The following MORN5 variants were observed in gnomAD, a reference collection of about 807,000 sequenced individuals.
The protein encoded by MORN5 is MORN repeat-containing protein 5.
A neutral mutation model predicts 22.1 loss-of-function variants in MORN5; 21 were observed. The observed-to-expected ratio is 0.95, with a 90% CI of 0.67 to 1.37. The LOEUF is 1.37. Ranked by LOEUF, MORN5 falls within the 40% of genes most tolerant of loss-of-function variation. The pLI, the probability that MORN5 is intolerant of heterozygous loss-of-function variation, is 0.00. For missense variants in MORN5, 211 were observed against 215.1 expected, an observed-to-expected ratio of 0.98 and a Z score of 0.12; for synonymous variants, 73 against 74.0, an observed-to-expected ratio of 0.99 and a Z score of 0.07.
intron 1 of MORN5, among the ~76,000 whole-genome samples, chr9:122,160,958 A>C (rs1260549750): frequency 1.3e-5 from 2 of 152,194 alleles, no homozygotes; most frequent in Non-Finnish European, 1.5e-5. Context: ...TGTCTTCAGA[A>C]AGTTCATTCA....
intron 3 of MORN5, among the ~76,000 whole-genome samples, chr9:122,173,561 G>C (rs1247554014): frequency 6.6e-6 from 1 of 152,208 alleles, no homozygotes; most frequent in Non-Finnish European, 1.5e-5. Flanking sequence ...TGGGCATCCA[G>C]CTCTCAGTCT....
Position 122,169,748 on chromosome 9 carries a change from A to G in MORN5, c.299A>G (p.Lys100Arg). 6.2e-7 allele frequency: 1 copy of G among 1,610,774 alleles called. No individual in the cohort carries two copies. Among genetic ancestry groups the G allele is most frequent in the Non-Finnish European group, 8.5e-7 (1 of 1,176,874 alleles). Residue 100 changes from lysine (K) to arginine (R), a missense_variant, in exon 3 of 5, where the codon AAG becomes AGG. By Grantham distance (26) the Lys-to-Arg change is conservative. Coordinates refer to ENST00000373764, the MANE Select transcript of MORN5 (RefSeq NM_198469.4). Reference sequence around the variant, plus strand: ...TACACAGAGATCCTCAATGGCTTGAAGCCTGCAGGTACCCAGGCACCCACC... The same window carrying G: ...TACACAGAGATCCTCAATGGCTTGAGGCCTGCAGGTACCCAGGCACCCACC... Reference protein sequence around the residue: ...RFYTEILNGLKPAGMAQLTNM... With the variant: ...RFYTEILNGLRPAGMAQLTNM...
intron 4 of MORN5, among the ~76,000 whole-genome samples, chr9:122,188,801 A>G (rs1368123585): frequency 1.3e-5 from 2 of 152,236 alleles, no homozygotes; most frequent in Non-Finnish European, 2.9e-5. Flanking sequence ...TTCAGCACAC[A>G]TGCGTTCTGC....
intron 4 of MORN5, among the ~76,000 whole-genome samples, chr9:122,193,514 G>A (rs1026045811): frequency 6.6e-6 from 1 of 152,248 alleles, no homozygotes; most frequent in Non-Finnish European, 1.5e-5. Flanking sequence ...GAACCCGGGA[G>A]GCGGGGGTTG....
At chr9:122,173,839 A>C (rs1372440497) in intron 3 of MORN5, among the ~76,000 whole-genome samples, 1 of 152,092 alleles carries the variant, frequency 6.6e-6, no homozygotes, top group Non-Finnish European at 1.5e-5. Flanking sequence ...ACCTTGGGAA[A>C]GTTACTTTAA....
intron 4 of MORN5, among the ~76,000 whole-genome samples, chr9:122,198,765 G>C (rs1829949968): frequency 2.0e-5 from 3 of 152,194 alleles, no homozygotes; most frequent in Non-Finnish European, 4.4e-5. Flanking sequence ...CCGGCATGGA[G>C]AGGAAAATGT....
intron 4 of MORN5, among the ~76,000 whole-genome samples, chr9:122,186,281 C>G (rs1056707387): frequency 3.3e-5 from 5 of 152,138 alleles, no homozygotes; most frequent in Admixed American, 2.0e-4. Flanking sequence ...AAGTTATTTA[C>G]TGACAATCAA....
At chr9:122,167,555 A>G (rs1393342143) in intron 2 of MORN5, among the ~76,000 whole-genome samples, 1 of 151,734 alleles carries the variant, frequency 6.6e-6, no homozygotes, top group East Asian at 1.9e-4. Context: ...GGGCTCTAGA[A>G]TCCTCTCCCT....
intron 4 of MORN5, among the ~76,000 whole-genome samples, chr9:122,191,541 C>A (rs1829766751): frequency 6.6e-6 from 1 of 152,208 alleles, no homozygotes; most frequent in South Asian, 2.1e-4. Context: ...AAGTGCCCGG[C>A]CATTGTGAGC....
chr9:122,196,388 C>T (rs1340241400), intron 4 of MORN5, among the ~76,000 whole-genome samples: 3 of 148,538 alleles, frequency 2.0e-5, no homozygotes, highest in Non-Finnish European at 4.4e-5. Context: ...TGCTGGAGGG[C>T]AGTGGCGCAA....
chr9:122,177,685 G>A (rs192325894), intron 4 of MORN5, among the ~76,000 whole-genome samples: 4 of 152,152 alleles, frequency 2.6e-5, no homozygotes, highest in Admixed American at 2.6e-4. Context: ...CATCCACCTC[G>A]GCCTCCCAAA....
At chr9:122,175,580 A>C in intron 4 of MORN5, 1 of 817,250 alleles carries the variant, frequency 1.2e-6, no homozygotes, top group Non-Finnish European at 1.5e-6. Flanking sequence ...CAATGCATGC[A>C]CACACACACA....
At chr9:122,196,606 C>T (rs1171212220) in intron 4 of MORN5, among the ~76,000 whole-genome samples, 6 of 152,148 alleles carry the variant, frequency 3.9e-5, no homozygotes, top group African/African-American at 1.4e-4. Context: ...GCTGGGATTA[C>T]AGGCGTAAGC....
intron 4 of MORN5, among the ~76,000 whole-genome samples, chr9:122,185,609 C>T (rs1331991322): frequency 1.3e-5 from 2 of 152,128 alleles, no homozygotes; most frequent in Non-Finnish European, 2.9e-5. Flanking sequence ...ATCCGCCCGC[C>T]TCGGCCTCCC....
chr9:122,169,442 GTGAGTT>G (rs889944704), intron 2 of MORN5, among the ~76,000 whole-genome samples, 197 bp from the exon 3 acceptor site: 1 of 152,186 alleles, frequency 6.6e-6, no homozygotes, highest in Non-Finnish European at 1.5e-5. Flanking sequence ...ATCTGCCAAA[GTGAGTT>G]CACCCACTTT....
chr9:122,173,647 G>A (rs1156824496), intron 3 of MORN5, among the ~76,000 whole-genome samples: 1 of 152,088 alleles, frequency 6.6e-6, no homozygotes, highest in Non-Finnish European at 1.5e-5. Context: ...CCCTTTACTT[G>A]AGCCATGGCG....
intron 4 of MORN5, among the ~76,000 whole-genome samples, chr9:122,192,833 C>T (rs1829800358): frequency 6.6e-6 from 1 of 152,270 alleles, no homozygotes; most frequent in Non-Finnish European, 1.5e-5. Context: ...CTCTCACAAG[C>T]TCTGTTTGCC....
chr9:122,191,702 CA>C (rs1304333045), intron 4 of MORN5, among the ~76,000 whole-genome samples: 1 of 152,274 alleles, frequency 6.6e-6, no homozygotes, highest in Non-Finnish European at 1.5e-5. Flanking sequence ...GAAGAGCAGG[CA>C]GAGCCCAGCC....
chr9:122,196,087 T>G (rs1008503223), intron 4 of MORN5, among the ~76,000 whole-genome samples: 2 of 151,742 alleles, frequency 1.3e-5, no homozygotes, highest in African/African-American at 4.8e-5. Context: ...ACCTCCCGAG[T>G]AGCTGGGACC....
Sources: gnomAD v4.1 joint callset for allele counts (sites outside exome capture counted in the v4.1 genomes callset) on GRCh38, gnomAD v4.1.1 for gene constraint, MANE v1.5 for transcripts, NCBI Gene and HGNC (gene_info 2026-07-23, HGNC 2026-07-21) for gene names.